The following PLXDC2 variants were observed in gnomAD, a reference collection of about 807,000 sequenced individuals.
The protein encoded by PLXDC2 is plexin domain-containing protein 2.
In PLXDC2, 40 loss-of-function variants were observed where a neutral mutation model predicts 68.9. The ratio of observed to expected loss-of-function variants is 0.58; its 90% CI spans 0.45 to 0.76. The LOEUF (loss-of-function observed/expected upper bound fraction) is 0.76, where lower values mean the gene tolerates loss of function less well. Among genes scored for constraint, PLXDC2 ranks in the 30% least tolerant of loss-of-function variants. The pLI, the probability that PLXDC2 is intolerant of heterozygous loss-of-function variation, is 0.00. For synonymous variants in PLXDC2, 243 were observed against 234.2 expected, an observed-to-expected ratio of 1.04 and a Z score of -0.34; for missense variants, 644 against 661.9, an observed-to-expected ratio of 0.97 and a Z score of 0.30.
intron 2 of PLXDC2, among the ~76,000 whole-genome samples, chr10:20,027,840 A>G (rs969770574): frequency 1.3e-5 from 2 of 152,216 alleles, no homozygotes; most frequent in Admixed American, 1.3e-4. Context: ...TCTGATATCC[A>G]TTAAGGAAGA....
At chr10:20,003,677 C>T (rs1381937621) in intron 2 of PLXDC2, among the ~76,000 whole-genome samples, 1 of 152,174 alleles carries the variant, frequency 6.6e-6, no homozygotes, top group Non-Finnish European at 1.5e-5. Flanking sequence ...AGTGATCAAC[C>T]TGCCTCGGCC....
At chr10:20,275,437 A>G (rs1835993708) in intron 13 of PLXDC2, among the ~76,000 whole-genome samples, 1 of 152,246 alleles carries the variant, frequency 6.6e-6, no homozygotes, top group Non-Finnish European at 1.5e-5. Context: ...TTAGTTCTGT[A>G]GTTTCCAAAA....
rs1229341911 is a variant in PLXDC2 at position 19,816,984 on chromosome 10, A to T, written c.-96A>T. 3 of 872,898 alleles carry T rather than the reference A, an allele frequency of 3.4e-6. No homozygotes were observed. The highest frequency in any genetic ancestry group is 5.4e-6 in the Non-Finnish European group (3 of 554,650). The allele number at this position is 872,898 out of a possible 1,614,324, so 54.1% of individuals were successfully genotyped here. On this transcript the variant is annotated 5_prime_UTR_variant, in exon 1 of 14. Transcript: ENST00000377252. ...AGGCCTCCGGGTCCTACCGAGACCG[A>T]TCCGCAGCGTTTGGCCCGGTCGTGC... is the stretch of plus-strand genomic sequence containing the variant.
chr10:20,222,465 AT>A (rs1835224990), intron 12 of PLXDC2, among the ~76,000 whole-genome samples: 1 of 152,208 alleles, frequency 6.6e-6, no homozygotes. Context: ...TTCCTGATAC[AT>A]TTATATTAGG....
intron 1 of PLXDC2, among the ~76,000 whole-genome samples, chr10:19,914,261 A>G (rs887932843): frequency 3.9e-5 from 6 of 152,034 alleles, no homozygotes; most frequent in Non-Finnish European, 8.8e-5. Context: ...GGTCTTATTA[A>G]TCTCTGTCAT....
chr10:19,968,474 G>A (rs1213940767), intron 1 of PLXDC2, among the ~76,000 whole-genome samples: 2 of 152,058 alleles, frequency 1.3e-5, no homozygotes, highest in Non-Finnish European at 2.9e-5. Flanking sequence ...CACTATGCCT[G>A]GCTAATTTTT....
At chr10:19,927,354 T>G (rs1833553846) in intron 1 of PLXDC2, among the ~76,000 whole-genome samples, 2 of 152,018 alleles carry the variant, frequency 1.3e-5, no homozygotes, top group African/African-American at 4.8e-5. Flanking sequence ...ATAAGATTAT[T>G]TTTTCTTATG....
At chr10:19,988,539 C>T (rs1251919846) in intron 1 of PLXDC2, among the ~76,000 whole-genome samples, 1 of 152,060 alleles carries the variant, frequency 6.6e-6, no homozygotes, top group Non-Finnish European at 1.5e-5. Context: ...GACTAGCATA[C>T]TTCAACCTAT....
intron 6 of PLXDC2, among the ~76,000 whole-genome samples, chr10:20,152,880 A>G (rs183763802): frequency 8.2e-4 from 125 of 152,264 alleles, no homozygotes; most frequent in African/African-American, 2.8e-3. Context: ...GGATGTAGAT[A>G]ATGTTTTCTT....
At chr10:19,990,654 A>G (rs1015460197) in intron 1 of PLXDC2, among the ~76,000 whole-genome samples, 19 of 152,098 alleles carry the variant, frequency 1.2e-4, no homozygotes, top group African/African-American at 4.1e-4. Context: ...TAATTTTAGT[A>G]TAGTTTTTAC....
intron 7 of PLXDC2, among the ~76,000 whole-genome samples, chr10:20,175,124 A>G (rs936946458): frequency 6.6e-6 from 1 of 152,190 alleles, no homozygotes; most frequent in Non-Finnish European, 1.5e-5. Context: ...AAAAACTTGT[A>G]TGATCTAAGG....
chr10:19,916,627 A>C (rs1833371818), intron 1 of PLXDC2, among the ~76,000 whole-genome samples: 1 of 152,146 alleles, frequency 6.6e-6, no homozygotes, highest in African/African-American at 2.4e-5. Flanking sequence ...ATTATTTATT[A>C]TTATTATTAT....
intron 12 of PLXDC2, among the ~76,000 whole-genome samples, chr10:20,235,213 T>C (rs10827998): frequency 0.32 from 49,281 of 152,028 alleles, 8,071 homozygotes; most frequent in Non-Finnish European, 0.36. Flanking sequence ...TGTCCTTGCT[T>C]TCACTCAGCA....
At chr10:20,080,340 A>G (rs958224604) in intron 4 of PLXDC2, among the ~76,000 whole-genome samples, 12 of 148,366 alleles carry the variant, frequency 8.1e-5, no homozygotes, top group African/African-American at 2.8e-4. Flanking sequence ...CACATGATCA[A>G]AAGGCGAAGT....
intron 4 of PLXDC2, among the ~76,000 whole-genome samples, chr10:20,101,864 C>A (rs1411311024): frequency 2.0e-5 from 3 of 151,614 alleles, no homozygotes; most frequent in South Asian, 4.2e-4. Context: ...GTGGCATAAT[C>A]TCGGCTCACT....
intron 1 of PLXDC2, among the ~76,000 whole-genome samples, chr10:19,970,261 A>G (rs1589562565): frequency 2.6e-5 from 4 of 152,338 alleles, no homozygotes; most frequent in African/African-American, 9.6e-5. Flanking sequence ...TGTTTGACAA[A>G]AACTTTCTGG....
chr10:20,110,826 T>A (rs1016057734), intron 4 of PLXDC2, among the ~76,000 whole-genome samples: 2 of 152,238 alleles, frequency 1.3e-5, no homozygotes, highest in African/African-American at 4.8e-5. Flanking sequence ...TGTTTCGTTT[T>A]GTTTTTGATC....
At chr10:20,006,353 A>G (rs1835028893) in intron 2 of PLXDC2, among the ~76,000 whole-genome samples, 1 of 152,202 alleles carries the variant, frequency 6.6e-6, no homozygotes, top group Non-Finnish European at 1.5e-5. Flanking sequence ...TATATTGCTA[A>G]ATACAAACAA....
Position 20,012,379 on chromosome 10 carries a change from G to A in PLXDC2, c.324+10393G>A, listed in dbSNP as rs1316680568. Among the ~76,000 whole-genome samples the A allele has an allele frequency of 1.1e-4, 14 of 128,132 alleles. No homozygotes were observed. The East Asian group carries it at 2.1e-3, about 19-fold the overall frequency. The allele number at this position is 128,132 out of a possible 152,430, so 84.1% of individuals were successfully genotyped here. On this transcript the variant is annotated intron_variant, in intron 2 of 13. Transcript: ENST00000377252. ...GTTTCCCAGGCTGGAGTGCAGTGGC[G>A]CGATCTCAGCTAACTGCACCCTCCA... is the stretch of plus-strand genomic sequence containing the variant.
Sources: allele counts gnomAD v4.1 joint callset (sites outside exome capture counted in the v4.1 genomes callset), GRCh38; gene constraint gnomAD v4.1.1; transcripts MANE v1.5; gene names NCBI Gene and HGNC (gene_info 2026-07-23, HGNC 2026-07-21).